TAFA2: variants seen among roughly 807,000 people sequenced by gnomAD.
The protein encoded by TAFA2 is chemokine-like protein TAFA-2.
In TAFA2, 7 loss-of-function variants were observed where a neutral mutation model predicts 18.8. The ratio of observed to expected loss-of-function variants is 0.37; its 90% confidence interval spans 0.21 to 0.70. TAFA2 has a LOEUF of 0.70. Ranked by LOEUF, TAFA2 falls within the 30% of genes least tolerant of loss-of-function variation. The pLI, the probability that TAFA2 is intolerant of heterozygous loss-of-function variation, is 0.53. For synonymous variants in TAFA2, 60 were observed against 54.2 expected (o/e 1.11, Z -0.47); for missense variants, 122 against 158.1 (o/e 0.77, Z 1.23).
chr12:62,209,166 C>T (rs2062703901), intron 1 of TAFA2, among the ~76,000 whole-genome samples: 1 of 152,222 alleles, frequency 6.6e-6, no homozygotes, highest in Non-Finnish European at 1.5e-5. Context: ...CAAATCTCAT[C>T]TTGAATTGCA....
chr12:61,849,211 G>GA (rs973684878), intron 2 of TAFA2, among the ~76,000 whole-genome samples: 3 of 152,106 alleles, frequency 2.0e-5, no homozygotes, highest in African/African-American at 4.8e-5. Context: ...ATCCAGTGCA[G>GA]AAAAAAGAGC....
chr12:62,257,192 G>GTGTGTC lies in TAFA2; in HGVS notation c.-130+1570_-130+1571insGACACA, dbSNP rs1237604612. On this transcript the variant is annotated intron_variant, in intron 1 of 5. Transcript: ENST00000551619. Reference sequence around the variant, plus strand: ...TGTGTGTGTGTGTGTGTGTGTGTGTGTGTGTGTGTGATTTGCTAAGTCCAC... The same window carrying GTGTGTC: ...TGTGTGTGTGTGTGTGTGTGTGTGTGTGTGTCTGTGTGTGTGATTTGCTAAGTCCAC... 1.9e-3 allele frequency among the ~76,000 whole-genome samples: 112 copies of GTGTGTC among 58,534 alleles called. 1 individual carries two copies. Among genetic ancestry groups the GTGTGTC allele is most frequent in the Non-Finnish European group, 2.9e-3 (80 of 27,510 alleles). 38.4% of individuals were successfully genotyped at this position (58,534 alleles called of 152,430 possible). A position where few individuals can be genotyped will look rare whatever the true frequency, so the allele number is the denominator to read the frequency against.
At chr12:62,029,341 A>G (rs1028707999) in intron 1 of TAFA2, among the ~76,000 whole-genome samples, 1 of 152,168 alleles carries the variant, frequency 6.6e-6, no homozygotes, top group African/African-American at 2.4e-5. Flanking sequence ...TTATCTTTTT[A>G]ACATTAATAT....
chr12:62,229,847 T>TTTGTTGTTG (rs372113384), intron 1 of TAFA2, among the ~76,000 whole-genome samples: 8 of 151,482 alleles, frequency 5.3e-5, no homozygotes, highest in African/African-American at 1.9e-4. Flanking sequence ...GTCCTGGATT[T>TTTGTTGTTG]TTGTTGTTGT....
At chr12:61,802,108 A>G (rs1871420731) in intron 2 of TAFA2, among the ~76,000 whole-genome samples, 1 of 152,016 alleles carries the variant, frequency 6.6e-6, no homozygotes. Flanking sequence ...GAAAACAAAA[A>G]CTAATTGCTG....
At chr12:62,153,166 A>C (rs575948472) in intron 1 of TAFA2, among the ~76,000 whole-genome samples, 1 of 152,294 alleles carries the variant, frequency 6.6e-6, no homozygotes, top group African/African-American at 2.4e-5. Context: ...GGCTGTGGAA[A>C]GTAAGGTGGT....
upstream of TAFA2, among the ~76,000 whole-genome samples, chr12:62,194,338 C>A (rs1487919975): frequency 3.2e-5 from 4 of 124,290 alleles, no homozygotes; most frequent in Admixed American, 7.9e-5. Context: ...TACAAAAAAA[C>A]ATAAAGCATA....
At chr12:61,923,177 A>G (rs1448071896) in intron 1 of TAFA2, among the ~76,000 whole-genome samples, 1 of 152,208 alleles carries the variant, frequency 6.6e-6, no homozygotes, top group East Asian at 1.9e-4. Context: ...GCTTCAGCAG[A>G]TGTTCCTGCC....
chr12:61,967,188 C>T lies in TAFA2; in HGVS notation c.-1-99762G>A, dbSNP rs1026279226. 7.2e-5 allele frequency among the ~76,000 whole-genome samples: 11 copies of T among 151,780 alleles called. 1 individual carries two copies. Among genetic ancestry groups the T allele is most frequent in the Non-Finnish European group, 4.4e-5 (3 of 67,862 alleles). On this transcript the variant is annotated intron_variant, in intron 1 of 4. Transcript: ENST00000416284. ...CTATGTGCATATTCTTTGCCTTGTA[C>T]TTTTCTGTAACCAGGCAAAAATTAA...
chr12:61,957,752 A>G (rs1399336624), intron 1 of TAFA2, among the ~76,000 whole-genome samples: 3 of 152,100 alleles, frequency 2.0e-5, no homozygotes, highest in Admixed American at 6.6e-5. Flanking sequence ...AGCATGTTGC[A>G]TGGTTTTGAA....
chr12:61,769,980 A>C (rs1235985738), intron 2 of TAFA2, among the ~76,000 whole-genome samples: 1 of 152,132 alleles, frequency 6.6e-6, no homozygotes, highest in African/African-American at 2.4e-5. Flanking sequence ...AACTTTAAAA[A>C]ATCAAAAAAA....
At chr12:62,247,729 T>A (rs990632465) in intron 1 of TAFA2, among the ~76,000 whole-genome samples, 9 of 152,198 alleles carry the variant, frequency 5.9e-5, no homozygotes, top group Admixed American at 2.0e-4. Flanking sequence ...AAAGCTAAAA[T>A]CTATACCTTG....
At chr12:62,184,499 A>ATTTTTTTTTTTTTT (rs770289214) in intron 1 of TAFA2, among the ~76,000 whole-genome samples, 4 of 33,984 alleles carry the variant, frequency 1.2e-4, no homozygotes, top group Non-Finnish European at 1.8e-4. Context: ...GAAAAAAAAA[A>ATTTTTTTTTTTTTT]TTCTTTTTTT....
At position 61,853,579 on chromosome 12, in the gene TAFA2, C is replaced by A. The variant is rs747194265; in HGVS notation, c.106+13741G>T. Reference sequence around the variant, plus strand: ...CAGAATTATCATAAGGATGGCAAAACTGGAAGCATCACGTCCATCCTGGAA... The same window carrying A: ...CAGAATTATCATAAGGATGGCAAAAATGGAAGCATCACGTCCATCCTGGAA... On this transcript the variant is annotated intron_variant, in intron 2 of 4. Transcript: ENST00000416284. Among the ~76,000 whole-genome samples the A allele has an allele frequency of 3.4e-4, 52 of 152,096 alleles. 1 individual carries two copies. Among genetic ancestry groups the A allele is most frequent in the Non-Finnish European group, 2.6e-4 (18 of 68,022 alleles).
At position 62,205,127 on chromosome 12, in the gene TAFA2, C is replaced by T. The variant is rs140641998; in HGVS notation, c.-130+53636G>A. Among the ~76,000 whole-genome samples the T allele has an allele frequency of 1.8e-3, 273 of 152,342 alleles. 1 individual carries two copies. Among genetic ancestry groups the T allele is most frequent in the African/African-American group, 6.5e-3 (269 of 41,574 alleles). On this transcript the variant is annotated intron_variant, in intron 1 of 5. Transcript: ENST00000551619. ...GCTGGGGGTCTACTCAAGACCCCTT[C>T]ACCTGGGTCCCTCCTGCACCTGTAG...
chr12:61,767,958 CT>C (rs1360294139), intron 2 of TAFA2, among the ~76,000 whole-genome samples: 3 of 152,040 alleles, frequency 2.0e-5, no homozygotes, highest in Non-Finnish European at 2.9e-5. Flanking sequence ...TGATGTGAAA[CT>C]CAAATTAAAA....
chr12:62,067,245 T>C (rs1007800140), intron 1 of TAFA2, among the ~76,000 whole-genome samples: 10 of 151,958 alleles, frequency 6.6e-5, no homozygotes, highest in African/African-American at 2.4e-4. Context: ...TTGCAAATAT[T>C]TTCTCCCATT....
At chr12:61,973,114 T>G (rs1879306987) in intron 1 of TAFA2, among the ~76,000 whole-genome samples, 2 of 151,642 alleles carry the variant, frequency 1.3e-5, no homozygotes. Context: ...ATGCATGTTT[T>G]TATACACCTG....
intron 2 of TAFA2, among the ~76,000 whole-genome samples, chr12:61,768,410 C>A (rs540426939): frequency 2.0e-5 from 3 of 152,074 alleles, no homozygotes; most frequent in African/African-American, 7.2e-5. Flanking sequence ...CAAGAACTAC[C>A]GCAGGGACAT....
Sources: gnomAD v4.1 joint callset for allele counts (sites outside exome capture counted in the v4.1 genomes callset) on GRCh38, gnomAD v4.1.1 for gene constraint, MANE v1.5 for transcripts, NCBI Gene and HGNC (gene_info 2026-07-23, HGNC 2026-07-21) for gene names.